Variants in DACH2 observed in about 807,000 individuals in gnomAD.
DACH2 encodes dachshund homolog 2.
Under a neutral mutation model 35.8 loss-of-function variants are expected in DACH2, and 17 were observed. The ratio of observed to expected loss-of-function variants is 0.48; its 90% CI spans 0.33 to 0.71. The LOEUF is 0.71. Among genes scored for constraint, DACH2 ranks in the 30% least tolerant of loss-of-function variants. The probability of loss-of-function intolerance (pLI) is 0.02; values close to 1 mark genes in which losing one functional copy is unlikely to be tolerated. For missense variants in DACH2, 469 were observed against 472.7 expected, an observed-to-expected ratio of 0.99 and a Z score of 0.07; for synonymous variants, 195 against 177.3, an observed-to-expected ratio of 1.10 and a Z score of -0.79.
chrX:86,635,393 G>C (rs1267003871), intron 3 of DACH2, among the ~76,000 whole-genome samples: 2 of 106,461 alleles, frequency 1.9e-5, no homozygotes, highest in Non-Finnish European at 3.9e-5. Context: ...AATAGTAAGA[G>C]ACATCTATGA....
chrX:86,756,939 T>G (rs1006518639), intron 7 of DACH2, among the ~76,000 whole-genome samples: 11 of 111,379 alleles, frequency 9.9e-5, no homozygotes, highest in Non-Finnish European at 3.8e-5. Context: ...TTATTATTAT[T>G]AAAAGACAGT....
At chrX:86,577,991 G>T (rs2148337657) in intron 3 of DACH2, among the ~76,000 whole-genome samples, 1 of 111,900 alleles carries the variant, frequency 8.9e-6, no homozygotes. Context: ...ACTGGGAAAT[G>T]TAAGAATTTA....
chrX:86,671,366 G>A lies in DACH2; in HGVS notation c.772+20199G>A, dbSNP rs567551436. The stretch of plus-strand genomic sequence containing the variant: ...TGATACCAAAAGTGTTATAGAGGCT[G>A]GTATGGTTTGTATTTGTGTCCCTGT... On this transcript the variant is annotated intron_variant, in intron 4 of 11. Coordinates refer to ENST00000373125, the MANE Select transcript of DACH2 (RefSeq NM_053281.3). Among the ~76,000 whole-genome samples, 18 of 112,003 alleles carry A rather than the reference G, an allele frequency of 1.6e-4. 1 individual carries two copies. Among genetic ancestry groups the A allele is most frequent in the Middle Eastern group, 9.2e-3 (2 of 217 alleles).
intron 1 of DACH2, among the ~76,000 whole-genome samples, chrX:86,238,793 G>A (rs1249298973): frequency 9.0e-6 from 1 of 111,368 alleles, no homozygotes; most frequent in Admixed American, 9.6e-5. Flanking sequence ...GATATCAGTT[G>A]TATGCTTTCT....
intron 2 of DACH2, among the ~76,000 whole-genome samples, chrX:86,509,318 T>C (rs777154008): frequency 1.6e-3 from 176 of 112,163 alleles, no homozygotes; most frequent in Non-Finnish European, 2.5e-3. Flanking sequence ...CAAGAGCTGA[T>C]TGATGCCCAG....
chrX:86,639,992 G>A (rs1171597713), intron 3 of DACH2, among the ~76,000 whole-genome samples: 1 of 111,406 alleles, frequency 9.0e-6, no homozygotes, highest in African/African-American at 3.3e-5. Flanking sequence ...CAGAGGGAGG[G>A]ACAGGCTATC....
intron 3 of DACH2, among the ~76,000 whole-genome samples, chrX:86,527,399 T>C (rs1385244025): frequency 9.0e-6 from 1 of 111,622 alleles, no homozygotes; most frequent in Non-Finnish European, 1.9e-5. Flanking sequence ...TCTGTCAATA[T>C]ATATTAGTTT....
intron 1 of DACH2, among the ~76,000 whole-genome samples, chrX:86,292,205 A>T (rs2034315850): frequency 1.1e-5 from 1 of 88,880 alleles, no homozygotes; most frequent in Non-Finnish European, 2.2e-5. Flanking sequence ...TTTCTAGTTT[A>T]TTTGCGTAGA....
chrX:86,204,348 G>A (rs1437353181), intron 1 of DACH2, among the ~76,000 whole-genome samples: 1 of 112,006 alleles, frequency 8.9e-6, no homozygotes, highest in Non-Finnish European at 1.9e-5. Context: ...AAATGATACT[G>A]TTTCTGTAAT....
intron 2 of DACH2, among the ~76,000 whole-genome samples, chrX:86,487,984 G>A (rs1277852339): frequency 9.1e-6 from 1 of 110,213 alleles, no homozygotes; most frequent in African/African-American, 3.3e-5. Context: ...TATAAATTGG[G>A]GACAATAAAG....
At chrX:86,406,174 A>G (rs1202851786) in intron 2 of DACH2, among the ~76,000 whole-genome samples, 1 of 112,143 alleles carries the variant, frequency 8.9e-6, no homozygotes, top group African/African-American at 3.2e-5. Flanking sequence ...ATAAGAAAAA[A>G]TAGTACATAT....
chrX:86,421,778 G>C lies in DACH2; in HGVS notation c.527+44916G>C, dbSNP rs189851401. On this transcript the variant is annotated intron_variant, in intron 2 of 11. Transcript: ENST00000373125. ...TATATTGTTGGAATGCTACTTATCTGTTAGCTGGAGGGAGAAACTTCTTAG... is the reference window on the plus strand; with the variant it reads ...TATATTGTTGGAATGCTACTTATCTCTTAGCTGGAGGGAGAAACTTCTTAG... Among the ~76,000 whole-genome samples, 31 of 111,143 alleles carry C rather than the reference G, an allele frequency of 2.8e-4. No individual in the cohort carries two copies. The East Asian group carries it at 3.4e-3, about 12-fold the overall frequency.
chrX:86,304,637 T>A (rs2034641482), intron 1 of DACH2: 1 of 166,095 alleles, frequency 6.0e-6, no homozygotes, highest in African/African-American at 3.1e-5. Flanking sequence ...TTCTACAGAT[T>A]TCAGAAGGTC....
At chrX:86,527,141 C>G (rs2038645289) in intron 3 of DACH2, among the ~76,000 whole-genome samples, 1 of 111,008 alleles carries the variant, frequency 9.0e-6, no homozygotes, top group African/African-American at 3.3e-5. Context: ...TAGATGTCTG[C>G]CTATCTATAG....
intron 1 of DACH2, among the ~76,000 whole-genome samples, chrX:86,301,253 A>T (rs1036494913): frequency 5.4e-5 from 6 of 112,116 alleles, no homozygotes; most frequent in African/African-American, 1.9e-4. Flanking sequence ...TATTAGTCAA[A>T]GTTTTCCAGC....
chrX:86,556,450 T>C (rs892272874), intron 3 of DACH2, among the ~76,000 whole-genome samples: 4 of 110,123 alleles, frequency 3.6e-5, no homozygotes, highest in African/African-American at 1.3e-4. Flanking sequence ...TTTTCAAAGA[T>C]TGGGTTCTTA....
chrX:86,334,918 C>A (rs1297481941), intron 1 of DACH2, among the ~76,000 whole-genome samples: 1 of 112,101 alleles, frequency 8.9e-6, no homozygotes, highest in African/African-American at 3.2e-5. Flanking sequence ...TTTAATCCAT[C>A]TTGATTTAAT....
At chrX:86,254,432 G>T (rs1462145356) in intron 1 of DACH2, among the ~76,000 whole-genome samples, 1 of 109,363 alleles carries the variant, frequency 9.1e-6, no homozygotes, top group Admixed American at 9.9e-5. Flanking sequence ...CTCTTTTTTT[G>T]TATGCCCTTA....
intron 7 of DACH2, among the ~76,000 whole-genome samples, chrX:86,796,208 G>A (rs1030047500): frequency 1.8e-5 from 2 of 111,604 alleles, no homozygotes; most frequent in Non-Finnish European, 1.9e-5. Flanking sequence ...GACCCAGAGC[G>A]CTGACTGGTG....
Sources: allele counts gnomAD v4.1 joint callset (sites outside exome capture counted in the v4.1 genomes callset), GRCh38; gene constraint gnomAD v4.1.1; transcripts MANE v1.5; gene names NCBI Gene and HGNC (gene_info 2026-07-23, HGNC 2026-07-21).